CNTN4: variants seen among roughly 807,000 people sequenced by gnomAD.
The protein encoded by CNTN4 is contactin 4.
In CNTN4, 77 loss-of-function variants were observed where a neutral mutation model predicts 122.5. The observed-to-expected ratio is 0.63, with a 90% CI of 0.52 to 0.76. The LOEUF is 0.76. CNTN4 is among the 30% of genes least tolerant of loss of function. The pLI, the probability that CNTN4 is intolerant of heterozygous loss-of-function variation, is 0.00. For synonymous variants in CNTN4, 512 were observed against 447.0 expected (o/e 1.15, Z -1.83); for missense variants, 1,256 against 1,259.1 (o/e 1.00, Z 0.04).
intron 2 of CNTN4, among the ~76,000 whole-genome samples, chr3:2,308,574 G>C (rs2042802012): frequency 6.6e-6 from 1 of 151,750 alleles, no homozygotes; most frequent in South Asian, 2.1e-4. Flanking sequence ...TTAAGTTTTG[G>C]CATATTCTGT....
At chr3:2,600,780 T>A (rs1322339416) in intron 4 of CNTN4, among the ~76,000 whole-genome samples, 2 of 152,308 alleles carry the variant, frequency 1.3e-5, no homozygotes, top group South Asian at 4.1e-4. Context: ...CTCCACACTG[T>A]CTTCCACAAT....
At chr3:2,478,096 C>A (rs2151554668) in intron 3 of CNTN4, among the ~76,000 whole-genome samples, 1 of 152,276 alleles carries the variant, frequency 6.6e-6, no homozygotes, top group East Asian at 1.9e-4. Flanking sequence ...GGGGAAAGGG[C>A]AGTCACCATG....
At position 2,852,060 on chromosome 3, in the gene CNTN4, C is replaced by G. The variant is rs374221369; in HGVS notation, c.455-14692C>G. Among the ~76,000 whole-genome samples the G allele has an allele frequency of 9.5e-4, 145 of 152,270 alleles. 2 individuals are homozygous for G. In the South Asian group the frequency reaches 0.024, roughly 25 times the overall value. On this transcript the variant is annotated intron_variant, in intron 7 of 24. Coordinates refer to ENST00000418658, the MANE Select transcript of CNTN4 (RefSeq NM_175607.3). ...GGCCACACCCTACCTCGTGGCTGCA[C>G]TCCCAGTTTCTTCCCAGATCTCAGT... is the stretch of plus-strand genomic sequence containing the variant.
intron 8 of CNTN4, among the ~76,000 whole-genome samples, chr3:2,867,380 A>T (rs995395862): frequency 6.6e-6 from 1 of 152,242 alleles, no homozygotes; most frequent in African/African-American, 2.4e-5. Context: ...CACCACAGTG[A>T]AATGTAGACA....
intron 3 of CNTN4, among the ~76,000 whole-genome samples, chr3:2,429,452 C>G (rs2047973988): frequency 6.6e-6 from 1 of 152,188 alleles, no homozygotes; most frequent in Non-Finnish European, 1.5e-5. Context: ...AGCTTCGTCT[C>G]AGATGGGCAC....
intron 14 of CNTN4, among the ~76,000 whole-genome samples, chr3:3,004,537 G>A (rs1259623576): frequency 6.6e-6 from 1 of 152,164 alleles, no homozygotes; most frequent in Non-Finnish European, 1.5e-5. Flanking sequence ...TATTATAGAG[G>A]GAAGAATATA....
At chr3:2,578,393 C>G (rs2079790656) in intron 4 of CNTN4, among the ~76,000 whole-genome samples, 1 of 152,102 alleles carries the variant, frequency 6.6e-6, no homozygotes, top group African/African-American at 2.4e-5. Flanking sequence ...CATGACCAAC[C>G]CAGAAGGATC....
intron 14 of CNTN4, chr3:3,008,858 C>A: frequency 3.2e-6 from 2 of 634,636 alleles, no homozygotes; most frequent in Non-Finnish European, 3.9e-6. Flanking sequence ...ACAGCAGTAG[C>A]AGGCATTCGG....
chr3:2,752,458 C>T (rs1379357045), intron 6 of CNTN4, among the ~76,000 whole-genome samples: 2 of 152,152 alleles, frequency 1.3e-5, no homozygotes, highest in Admixed American at 6.5e-5. Flanking sequence ...CTCCACCTCC[C>T]GGGTCCAAGC....
At chr3:2,955,282 C>G (rs1414513711) in intron 13 of CNTN4, among the ~76,000 whole-genome samples, 1 of 152,160 alleles carries the variant, frequency 6.6e-6, no homozygotes, top group African/African-American at 2.4e-5. Flanking sequence ...CTAAAGTGCA[C>G]CTAAATCTTA....
intron 2 of CNTN4, among the ~76,000 whole-genome samples, chr3:2,198,014 A>T (rs2037925424): frequency 6.9e-6 from 1 of 144,572 alleles, no homozygotes; most frequent in Non-Finnish European, 1.5e-5. Flanking sequence ...CAGAGGCAAC[A>T]GACACTCTCT....
chr3:2,896,722 G>C (rs1285541405), intron 10 of CNTN4, among the ~76,000 whole-genome samples: 1 of 152,160 alleles, frequency 6.6e-6, no homozygotes, highest in Non-Finnish European at 1.5e-5. Flanking sequence ...AGGAGATAGA[G>C]ATTTGGGAAG....
chr3:2,271,885 T>A (rs994926000), intron 2 of CNTN4, among the ~76,000 whole-genome samples: 6 of 152,174 alleles, frequency 3.9e-5, no homozygotes, highest in Admixed American at 3.9e-4. Flanking sequence ...ATATCAGAAT[T>A]TAAATGTTAA....
intron 2 of CNTN4, among the ~76,000 whole-genome samples, chr3:2,125,994 A>T (rs1464757111): frequency 6.6e-6 from 1 of 151,216 alleles, no homozygotes; most frequent in Non-Finnish European, 1.5e-5. Flanking sequence ...CCTCGTGATG[A>T]GTGTGATCAG....
chr3:2,113,593 A>T (rs1032906943), intron 2 of CNTN4, among the ~76,000 whole-genome samples: 8 of 152,336 alleles, frequency 5.3e-5, no homozygotes, highest in African/African-American at 1.9e-4. Context: ...AAGCATATAC[A>T]CAACCTGCTT....
At chr3:2,434,643 G>A (rs1015140460) in intron 3 of CNTN4, among the ~76,000 whole-genome samples, 17 of 152,164 alleles carry the variant, frequency 1.1e-4, no homozygotes, top group Non-Finnish European at 2.1e-4. Flanking sequence ...GACTCTAAAA[G>A]GTGATGTAAT....
chr3:3,005,289 G>T (rs1173096481), intron 14 of CNTN4, among the ~76,000 whole-genome samples: 1 of 152,128 alleles, frequency 6.6e-6, no homozygotes, highest in Non-Finnish European at 1.5e-5. Flanking sequence ...GATAGGCTGA[G>T]ATTTTTTTCA....
chr3:2,794,164 G>C (rs1395020281), intron 6 of CNTN4, among the ~76,000 whole-genome samples: 1 of 152,114 alleles, frequency 6.6e-6, no homozygotes, highest in Non-Finnish European at 1.5e-5. Context: ...ATGTTTTACA[G>C]ATTCTGAGCC....
chr3:2,562,769 G>A (rs763657690), intron 3 of CNTN4, among the ~76,000 whole-genome samples: 87 of 151,038 alleles, frequency 5.8e-4, no homozygotes, highest in Middle Eastern at 3.2e-3. Flanking sequence ...TGTCACCCAT[G>A]CTGGAGTGCA....
Sources: gnomAD v4.1 joint callset for allele counts (sites outside exome capture counted in the v4.1 genomes callset) on GRCh38, gnomAD v4.1.1 for gene constraint, MANE v1.5 for transcripts, NCBI Gene and HGNC (gene_info 2026-07-23, HGNC 2026-07-21) for gene names.